IQCH: variants seen among roughly 807,000 people sequenced by gnomAD.
IQCH encodes the protein IQ motif containing H, also known as IQ domain-containing protein H.
IQCH carries 98 observed loss-of-function variants against 117.0 expected under a neutral mutation model. That is an observed-to-expected ratio of 0.84 (90% CI 0.71 to 0.99). The LOEUF (loss-of-function observed/expected upper bound fraction) is 0.99. IQCH is among the 50% of genes least tolerant of loss of function. The probability of loss-of-function intolerance (pLI) is 0.00; values close to 1 mark genes in which losing one functional copy is unlikely to be tolerated. For missense variants in IQCH, 1,102 were observed against 1,243.8 expected (o/e 0.89, Z 1.72); for synonymous variants, 412 against 448.2 (o/e 0.92, Z 1.02).
chr15:67,371,006 G>A (rs1396310985), intron 8 of IQCH, among the ~76,000 whole-genome samples: 5 of 151,992 alleles, frequency 3.3e-5, no homozygotes, highest in Admixed American at 6.6e-5. Context: ...TTCAAAATGC[G>A]AAGAGTAATA....
intron 16 of IQCH, among the ~76,000 whole-genome samples, chr15:67,448,363 A>G (rs980538229): frequency 7.2e-6 from 1 of 139,630 alleles, no homozygotes; most frequent in Non-Finnish European, 1.6e-5. Context: ...TCCTAATGCT[A>G]TCCCTCCCCC....
chr15:67,358,367 T>G (rs1350339474), intron 7 of IQCH, among the ~76,000 whole-genome samples: 2 of 150,786 alleles, frequency 1.3e-5, no homozygotes, highest in Non-Finnish European at 3.0e-5. Context: ...GCTAATTTTT[T>G]GTATTTTTAG....
In IQCH at chr15:67,474,041, T is replaced by C. The variant is rs2083138728; in HGVS notation, c.2677-1655T>C. Among the ~76,000 whole-genome samples, 1 of 150,738 alleles carries C rather than the reference T, an allele frequency of 6.6e-6. No individual in the cohort carries two copies. The highest frequency in any genetic ancestry group is 2.1e-4 in the South Asian group (1 of 4,740). ...CCCCCCATCATGTGTGAGGGGAGCA[T>C]GTCACCAAAAGTGCCACGAAATCTG... On this transcript the variant is annotated intron_variant, in intron 17 of 20. Transcript: ENST00000335894. This position sits in a 1 kb window ranked among gnomAD's most constrained non-coding sequence, Gnocchi z 4.1.
Position 67,366,457 on chromosome 15 carries a change from C to T in IQCH, c.754-5654C>T, listed in dbSNP as rs1055522191. ...TTTGATCCATCGTGTGTTTTTGTTC[C>T]ATGAGAATGCATCAAAGGATGGGGA... On this transcript the variant is annotated intron_variant, in intron 8 of 20. Coordinates refer to ENST00000335894, the MANE Select transcript of IQCH (RefSeq NM_001031715.3). The surrounding 1 kb of genome is among the most constrained non-coding windows in gnomAD (Gnocchi z 4.4). 3.3e-5 allele frequency among the ~76,000 whole-genome samples: 5 copies of T among 152,100 alleles called. No individual in the cohort carries two copies. Among genetic ancestry groups the T allele is most frequent in the South Asian group, 2.1e-4 (1 of 4,826 alleles).
Position 67,294,840 on chromosome 15 carries a change from T to TG in IQCH, c.387+15329dup, listed in dbSNP as rs548861786. Among the ~76,000 whole-genome samples the TG allele has an allele frequency of 5.8e-4, 89 of 152,334 alleles. 2 individuals are homozygous for TG. In the South Asian group the frequency reaches 0.018, roughly 32 times the overall value. ...TGGTTCAGCACCATGGTCTCTTTCTTGCAAACATCCTTATCCATCTTCCCC... is the reference window on the plus strand; with the variant it reads ...TGGTTCAGCACCATGGTCTCTTTCTTGGCAAACATCCTTATCCATCTTCCCC... On this transcript the variant is annotated intron_variant, in intron 4 of 20. Coordinates refer to ENST00000335894, the MANE Select transcript of IQCH (RefSeq NM_001031715.3).
chr15:67,306,757 C>A, intron 4 of IQCH: 1 of 985,182 alleles, frequency 1.0e-6, no homozygotes, highest in South Asian at 1.4e-5. Flanking sequence ...AAGTGAGACT[C>A]ACTGGTGATT....
At chr15:67,272,331 A>G (rs1258693918) in intron 3 of IQCH, among the ~76,000 whole-genome samples, 1 of 152,214 alleles carries the variant, frequency 6.6e-6, no homozygotes, top group African/African-American at 2.4e-5. Context: ...GGCCTAAGAC[A>G]TGATTTCTAA....
At chr15:67,477,386 G>A (rs1380018813) in intron 18 of IQCH, among the ~76,000 whole-genome samples, 1 of 152,048 alleles carries the variant, frequency 6.6e-6, no homozygotes, top group Non-Finnish European at 1.5e-5. Flanking sequence ...CAGACCTTCA[G>A]CACGAGGCCA....
intron 4 of IQCH, among the ~76,000 whole-genome samples, chr15:67,327,068 T>A (rs576274268): frequency 2.6e-5 from 4 of 152,314 alleles, no homozygotes; most frequent in African/African-American, 9.6e-5. Context: ...TTTTTCAGAT[T>A]TCTATTTACA....
In IQCH at chr15:67,403,106, C is replaced by T. The variant is rs1004393640; in HGVS notation, c.2097+2801C>T. On this transcript the variant is annotated intron_variant, in intron 14 of 20. Transcript: ENST00000335894. This position sits in a 1 kb window ranked among gnomAD's most constrained non-coding sequence, Gnocchi z 4.8. ...CTACTAAAAATACAAAAAAATTAGT[C>T]GGGGCTGGTGGTGCATGCCTGTAGT... Among the ~76,000 whole-genome samples the T allele has an allele frequency of 3.9e-5, 6 of 151,928 alleles. No homozygotes were observed. The highest frequency in any genetic ancestry group is 2.6e-4 in the Admixed American group (4 of 15,232).
At chr15:67,285,110 C>A (rs561454820) in intron 4 of IQCH, among the ~76,000 whole-genome samples, 1 of 152,314 alleles carries the variant, frequency 6.6e-6, no homozygotes, top group Admixed American at 6.5e-5. Context: ...TGCAACCTCG[C>A]CAGCATCTGT....
At chr15:67,420,057 TA>T (rs1322222286) in intron 15 of IQCH, among the ~76,000 whole-genome samples, 1 of 152,228 alleles carries the variant, frequency 6.6e-6, no homozygotes, top group Non-Finnish European at 1.5e-5. Flanking sequence ...TTTACCTTGC[TA>T]AATCCCCAGC....
In IQCH at chr15:67,465,188, T is replaced by C; in HGVS notation, c.2567T>C (p.Leu856Ser). The C allele has an allele frequency of 6.2e-7, 1 of 1,614,178 alleles. No homozygotes were observed. Among genetic ancestry groups the C allele is most frequent in the South Asian group, 1.1e-5 (1 of 91,082 alleles). The change falls in exon 17 of 21, where the codon TTA (leucine) becomes TCA (serine). Residue 856 changes from leucine (L) to serine (S), a missense_variant. Leu to Ser is a moderately radical substitution (Grantham distance 145). Coordinates refer to ENST00000335894, the MANE Select transcript of IQCH (RefSeq NM_001031715.3). This position sits in a 1 kb window ranked among gnomAD's most constrained non-coding sequence, Gnocchi z 5.9. ...CAGCTGGCCCTGACTCAACTCACCTTATACCTGACAAACGGCCATCTGGAT... is the reference window on the plus strand; with the variant it reads ...CAGCTGGCCCTGACTCAACTCACCTCATACCTGACAAACGGCCATCTGGAT... ...SDQLALTQLT[L>S]YLTNGHLDCS... is the part of the protein sequence containing the mutation.
intron 4 of IQCH, among the ~76,000 whole-genome samples, chr15:67,325,319 A>G (rs1968357200): frequency 6.6e-6 from 1 of 151,990 alleles, no homozygotes; most frequent in Admixed American, 6.6e-5. Flanking sequence ...TAGTATTATT[A>G]TTTTTTAAGG....
chr15:67,485,429 T>C (rs1293706142), intron 18 of IQCH, among the ~76,000 whole-genome samples: 1 of 152,132 alleles, frequency 6.6e-6, no homozygotes, highest in Admixed American at 6.5e-5. Flanking sequence ...ACATGCAACA[T>C]GGAGGAAACA....
intron 3 of IQCH, among the ~76,000 whole-genome samples, chr15:67,278,414 CCTCGAGAAATTTGT>C (rs1292045022): frequency 6.6e-6 from 1 of 152,282 alleles, no homozygotes; most frequent in Non-Finnish European, 1.5e-5. Flanking sequence ...CCACACTGAG[CCTCGAGAAATTTGT>C]CAATTAGAGC....
rs1306257599 is a variant in IQCH at position 67,372,104 on chromosome 15, T to C, written c.754-7T>C. 5 of 1,579,896 alleles carry C rather than the reference T, an allele frequency of 3.2e-6. No homozygotes were observed. The highest frequency in any genetic ancestry group is 4.3e-6 in the Non-Finnish European group (5 of 1,167,596). Reference sequence around the variant, plus strand: ...CACTTCTAAAATATATTTCTTTTTTTCCACAGGCCATGAAAGTCAAAACAC... The same window carrying C: ...CACTTCTAAAATATATTTCTTTTTTCCCACAGGCCATGAAAGTCAAAACAC... On this transcript the variant is annotated splice_region_variant and splice_polypyrimidine_tract_variant and intron_variant, in intron 8 of 20. Transcript: ENST00000335894.
At chr15:67,270,171 G>C (rs966781008) in intron 3 of IQCH, among the ~76,000 whole-genome samples, 1 of 152,152 alleles carries the variant, frequency 6.6e-6, no homozygotes, top group African/African-American at 2.4e-5. Context: ...TATGAACAAA[G>C]CTAATTTGAC....
intron 4 of IQCH, chr15:67,306,683 T>C (rs1967314292): frequency 1.3e-5 from 9 of 684,438 alleles, no homozygotes; most frequent in Admixed American, 9.0e-5. Flanking sequence ...ATTGCAAAAC[T>C]ATCTTCAGAA....
Sources: gnomAD v4.1 joint callset for allele counts (sites outside exome capture counted in the v4.1 genomes callset) on GRCh38, gnomAD v4.1.1 for gene constraint, Gnocchi (gnomAD v3.1) non-coding constraint, MANE v1.5 for transcripts, NCBI Gene and HGNC (gene_info 2026-07-23, HGNC 2026-07-21) for gene names.